The following PRKCB variants were observed in gnomAD, a reference collection of about 807,000 sequenced individuals.
PRKCB encodes protein kinase C beta, also known as protein kinase C beta type.
A neutral mutation model predicts 81.5 loss-of-function variants in PRKCB; 13 were observed. That is an observed-to-expected ratio of 0.16 (90% CI 0.10 to 0.25). The LOEUF (loss-of-function observed/expected upper bound fraction) is 0.25. Ranked by LOEUF, PRKCB falls within the 10% of genes least tolerant of loss-of-function variation. The pLI, the probability that PRKCB is intolerant of heterozygous loss-of-function variation, is 1.00. For synonymous variants in PRKCB, 335 were observed against 321.4 expected, an observed-to-expected ratio of 1.04 and a Z score of -0.45; for missense variants, 509 against 875.7, an observed-to-expected ratio of 0.58 and a Z score of 5.29.
At chr16:24,038,676 C>A (rs1029673326) in intron 5 of PRKCB, among the ~76,000 whole-genome samples, 2 of 152,174 alleles carry the variant, frequency 1.3e-5, no homozygotes, top group African/African-American at 2.4e-5. Flanking sequence ...AAAATAGAGC[C>A]AAGATGGGGA....
chr16:24,053,347 G>C (rs1391417773), intron 5 of PRKCB, among the ~76,000 whole-genome samples: 1 of 152,196 alleles, frequency 6.6e-6, no homozygotes, highest in East Asian at 1.9e-4. Context: ...GAGCTATCTG[G>C]TCACTGTCAC....
chr16:24,032,577 G>A (rs899760532), intron 4 of PRKCB, among the ~76,000 whole-genome samples: 3 of 152,192 alleles, frequency 2.0e-5, no homozygotes, highest in African/African-American at 7.2e-5. Flanking sequence ...CTGGGCCATG[G>A]TGGCCTCACC....
intron 5 of PRKCB, among the ~76,000 whole-genome samples, chr16:24,073,671 A>G (rs1437484692): frequency 6.6e-6 from 1 of 152,090 alleles, no homozygotes; most frequent in Admixed American, 6.6e-5. Context: ...TTCAATATTC[A>G]TCCCCTAGCC....
chr16:24,065,947 C>T (rs1212758788), intron 5 of PRKCB, among the ~76,000 whole-genome samples: 3 of 152,142 alleles, frequency 2.0e-5, no homozygotes, highest in Admixed American at 1.3e-4. Flanking sequence ...GTTCTTCTTC[C>T]ATCATTTTTG....
intron 3 of PRKCB, among the ~76,000 whole-genome samples, chr16:24,016,642 G>A (rs1965282028): frequency 6.6e-6 from 1 of 152,112 alleles, no homozygotes; most frequent in Admixed American, 6.6e-5. Flanking sequence ...AAAATACCTA[G>A]GAATAAATAC....
intron 5 of PRKCB, among the ~76,000 whole-genome samples, chr16:24,051,551 C>T (rs1965842444): frequency 6.6e-6 from 1 of 152,000 alleles, no homozygotes; most frequent in South Asian, 2.1e-4. Context: ...CCAGGGTCAG[C>T]AAGGCTCCGA....
intron 9 of PRKCB, among the ~76,000 whole-genome samples, chr16:24,126,606 G>A (rs1596559779): frequency 6.6e-6 from 1 of 152,078 alleles, no homozygotes; most frequent in Non-Finnish European, 1.5e-5. Flanking sequence ...TTACTCTGTT[G>A]CCCAGGCTGG....
At chr16:23,933,533 A>C (rs145908440) in intron 2 of PRKCB, among the ~76,000 whole-genome samples, 1 of 152,298 alleles carries the variant, frequency 6.6e-6, no homozygotes, top group African/African-American at 2.4e-5. Flanking sequence ...GGAAGATAAT[A>C]TTTTAAATCA....
intron 5 of PRKCB, among the ~76,000 whole-genome samples, chr16:24,071,252 C>G (rs1313014241): frequency 6.6e-6 from 1 of 151,998 alleles, no homozygotes; most frequent in East Asian, 1.9e-4. Context: ...CCTCTCAGAA[C>G]TCTGCATATC....
chr16:24,199,355 T>A (rs934586003), intron 16 of PRKCB, among the ~76,000 whole-genome samples: 1 of 152,228 alleles, frequency 6.6e-6, no homozygotes, highest in Non-Finnish European at 1.5e-5. Context: ...TGACATTCTC[T>A]TCCAAACCCA....
chr16:24,161,848 C>T (rs1428707167), intron 10 of PRKCB, among the ~76,000 whole-genome samples: 2 of 152,106 alleles, frequency 1.3e-5, no homozygotes, highest in Non-Finnish European at 2.9e-5. Flanking sequence ...ACTGGAGGTG[C>T]ACCTTGCTGC....
In PRKCB at chr16:24,137,882, A is replaced by G. The variant is rs1443633516; in HGVS notation, c.1065+13901A>G. 2.0e-5 allele frequency among the ~76,000 whole-genome samples: 3 copies of G among 152,268 alleles called. No individual in the cohort carries two copies. In the East Asian group the frequency reaches 5.8e-4, roughly 29 times the overall value. On this transcript the variant is annotated intron_variant, in intron 9 of 16. Transcript: ENST00000643927. ...GATTATTCATGCCGTAGTTGTTTCA[A>G]ACCCCCACCCCACCCCACAGTTTCA...
intron 10 of PRKCB, among the ~76,000 whole-genome samples, chr16:24,168,716 ATTTT>A (rs945320742): frequency 5.4e-5 from 4 of 74,496 alleles, no homozygotes; most frequent in Admixed American, 4.6e-4. Context: ...ATGCCTGGCT[ATTTT>A]TTTTTTTTTT....
At chr16:24,133,493 A>G (rs1334811858) in intron 9 of PRKCB, among the ~76,000 whole-genome samples, 1 of 152,128 alleles carries the variant, frequency 6.6e-6, no homozygotes, top group African/African-American at 2.4e-5. Flanking sequence ...GGAGTCCCCA[A>G]GTCTTGGAAG....
intron 5 of PRKCB, among the ~76,000 whole-genome samples, chr16:24,085,250 C>A (rs1047411729): frequency 4.0e-5 from 6 of 151,736 alleles, no homozygotes; most frequent in Admixed American, 2.6e-4. Context: ...ACTCCAAATG[C>A]CTGGACTGGA....
chr16:24,094,390 A>G, intron 7 of PRKCB, 93 bp downstream of exon 7: 1 of 1,485,070 alleles, frequency 6.7e-7, no homozygotes, highest in Non-Finnish European at 9.1e-7. Flanking sequence ...AAATTGAAAT[A>G]CTAAAACAGA....
At chr16:24,121,563 G>A (rs945224831) in intron 8 of PRKCB, among the ~76,000 whole-genome samples, 1 of 151,986 alleles carries the variant, frequency 6.6e-6, no homozygotes, top group East Asian at 1.9e-4. Context: ...TTTTTTTTGA[G>A]ATAGGGTCTG....
intron 2 of PRKCB, among the ~76,000 whole-genome samples, chr16:23,852,876 A>T (rs189322850): frequency 3.9e-5 from 6 of 152,354 alleles, no homozygotes; most frequent in African/African-American, 1.4e-4. Flanking sequence ...AAAAATTTAA[A>T]AAGTGCAGAG....
intron 9 of PRKCB, among the ~76,000 whole-genome samples, chr16:24,154,302 C>T (rs1259456812): frequency 6.6e-6 from 1 of 152,092 alleles, no homozygotes; most frequent in Non-Finnish European, 1.5e-5. Flanking sequence ...CATAGTGAGA[C>T]CTTGTCTCTA....
Sources: gnomAD v4.1 joint callset for allele counts (sites outside exome capture counted in the v4.1 genomes callset) on GRCh38, gnomAD v4.1.1 for gene constraint, MANE v1.5 for transcripts, NCBI Gene and HGNC (gene_info 2026-07-23, HGNC 2026-07-21) for gene names.